Variants in ADAMTSL1 observed in about 807,000 individuals in gnomAD.
The protein encoded by ADAMTSL1 is ADAMTS like 1.
A neutral mutation model predicts 201.8 loss-of-function variants in ADAMTSL1; 126 were observed. That is an observed-to-expected ratio of 0.62 (90% CI 0.54 to 0.72). The LOEUF is 0.72. Ranked by LOEUF, ADAMTSL1 falls within the 30% of genes least tolerant of loss-of-function variation. The pLI, the probability that ADAMTSL1 is intolerant of heterozygous loss-of-function variation, is 0.00. For synonymous variants in ADAMTSL1, 1,121 were observed against 903.4 expected, an observed-to-expected ratio of 1.24 and a Z score of -4.32; for missense variants, 2,679 against 2,277.8, an observed-to-expected ratio of 1.18 and a Z score of -3.59.
chr9:18,210,854 G>A (rs958810009), intron 2 of ADAMTSL1, among the ~76,000 whole-genome samples: 43 of 151,744 alleles, frequency 2.8e-4, no homozygotes, highest in African/African-American at 1.0e-3. Flanking sequence ...GTATTATGCA[G>A]TAATCAACCA....
At chr9:18,762,557 T>C (rs1232402579) in intron 16 of ADAMTSL1, among the ~76,000 whole-genome samples, 1 of 152,152 alleles carries the variant, frequency 6.6e-6, no homozygotes, top group Non-Finnish European at 1.5e-5. Flanking sequence ...TTATTGACTA[T>C]AGTCACCCTA....
chr9:18,461,257 A>T (rs1416192780), intron 2 of ADAMTSL1, among the ~76,000 whole-genome samples: 2 of 152,170 alleles, frequency 1.3e-5, no homozygotes, highest in African/African-American at 4.8e-5. Context: ...AAAATATGTT[A>T]TTGTTGATAG....
intron 2 of ADAMTSL1, among the ~76,000 whole-genome samples, chr9:18,185,602 A>G (rs2132204279): frequency 6.6e-6 from 1 of 152,330 alleles, no homozygotes; most frequent in East Asian, 1.9e-4. Flanking sequence ...TGCTACTTGA[A>G]TCAGGTAGGT....
chr9:18,569,628 A>T (rs1822169014), intron 3 of ADAMTSL1, among the ~76,000 whole-genome samples: 2 of 152,128 alleles, frequency 1.3e-5, no homozygotes, highest in Admixed American at 1.3e-4. Context: ...AGTCCTGTGC[A>T]TCCCTCCCAC....
At chr9:18,437,593 G>T (rs1819795820) in intron 2 of ADAMTSL1, among the ~76,000 whole-genome samples, 1 of 151,946 alleles carries the variant, frequency 6.6e-6, no homozygotes, top group Non-Finnish European at 1.5e-5. Flanking sequence ...TTTTGAACTT[G>T]CTTCTAGCTA....
At chr9:18,170,928 A>G (rs556457734) in intron 2 of ADAMTSL1, among the ~76,000 whole-genome samples, 41 of 152,192 alleles carry the variant, frequency 2.7e-4, no homozygotes, top group African/African-American at 8.4e-4. Flanking sequence ...AACCTTATCA[A>G]TATCCCTCAG....
intron 2 of ADAMTSL1, among the ~76,000 whole-genome samples, chr9:18,238,176 C>A (rs1282557259): frequency 2.0e-5 from 3 of 152,112 alleles, no homozygotes; most frequent in African/African-American, 7.2e-5. Context: ...TTTAAGAGAG[C>A]TTTAATGAAT....
intron 2 of ADAMTSL1, among the ~76,000 whole-genome samples, chr9:18,206,714 A>T (rs182879909): frequency 1.3e-5 from 2 of 152,282 alleles, no homozygotes; most frequent in East Asian, 3.9e-4. Context: ...TGAGAATATG[A>T]ATTCCTTATA....
chr9:17,952,127 T>C (rs1444657059), intron 1 of ADAMTSL1, among the ~76,000 whole-genome samples: 1 of 151,496 alleles, frequency 6.6e-6, no homozygotes, highest in Non-Finnish European at 1.5e-5. Flanking sequence ...TTCTTTTTTT[T>C]TTTTTTTGTA....
intron 4 of ADAMTSL1, among the ~76,000 whole-genome samples, chr9:18,584,322 G>T (rs771720036): frequency 6.6e-6 from 1 of 151,448 alleles, no homozygotes; most frequent in South Asian, 2.1e-4. Context: ...TCTTTTGTCT[G>T]CCACCATGTG....
chr9:18,337,938 A>C (rs998163901), intron 2 of ADAMTSL1, among the ~76,000 whole-genome samples: 2 of 152,124 alleles, frequency 1.3e-5, no homozygotes, highest in South Asian at 2.1e-4. Context: ...TAGGTTCTGC[A>C]GCTGTGATTG....
At chr9:18,130,374 C>G (rs1213032334) in intron 1 of ADAMTSL1, among the ~76,000 whole-genome samples, 1 of 152,188 alleles carries the variant, frequency 6.6e-6, no homozygotes, top group Non-Finnish European at 1.5e-5. Flanking sequence ...TTAATAAGCA[C>G]TATGACTACA....
At chr9:18,007,443 T>A (rs1422698199) in intron 1 of ADAMTSL1, among the ~76,000 whole-genome samples, 1 of 152,004 alleles carries the variant, frequency 6.6e-6, no homozygotes, top group Non-Finnish European at 1.5e-5. Context: ...AGCTACATAG[T>A]AAAAAGCAAA....
intron 1 of ADAMTSL1, among the ~76,000 whole-genome samples, chr9:18,150,628 T>C (rs1826867112): frequency 6.6e-6 from 1 of 152,006 alleles, no homozygotes; most frequent in African/African-American, 2.4e-5. Flanking sequence ...TCTTGCTCTC[T>C]CTGTCTTAAA....
intron 1 of ADAMTSL1, among the ~76,000 whole-genome samples, chr9:18,137,105 C>T (rs575252726): frequency 1.3e-5 from 2 of 152,240 alleles, no homozygotes; most frequent in Admixed American, 1.3e-4. Context: ...TGAGGGCATA[C>T]AGTCAGGGAT....
intron 15 of ADAMTSL1, among the ~76,000 whole-genome samples, chr9:18,730,658 G>A (rs972896205): frequency 2.6e-5 from 4 of 152,198 alleles, no homozygotes; most frequent in Non-Finnish European, 4.4e-5. Flanking sequence ...GGAAACCTAA[G>A]GGAAGAATGA....
chr9:18,043,360 AT>A (rs969532081), intron 1 of ADAMTSL1, among the ~76,000 whole-genome samples: 4 of 152,124 alleles, frequency 2.6e-5, no homozygotes, highest in African/African-American at 9.7e-5. Flanking sequence ...TCCTTAAAAA[AT>A]TTTTTGGGGG....
At chr9:18,036,993 C>G (rs1379420495) in intron 1 of ADAMTSL1, among the ~76,000 whole-genome samples, 1 of 152,198 alleles carries the variant, frequency 6.6e-6, no homozygotes, top group East Asian at 1.9e-4. Context: ...TCAAAACTCA[C>G]TTCTCTTTTG....
chr9:18,003,547 T>A (rs1819696350), intron 1 of ADAMTSL1, among the ~76,000 whole-genome samples: 1 of 152,094 alleles, frequency 6.6e-6, no homozygotes. Context: ...ATCAGCACTT[T>A]GGAAACACTC....
Sources: gnomAD v4.1 joint callset for allele counts (sites outside exome capture counted in the v4.1 genomes callset) on GRCh38, gnomAD v4.1.1 for gene constraint, MANE v1.5 for transcripts, NCBI Gene and HGNC (gene_info 2026-07-23, HGNC 2026-07-21) for gene names.